The following RORB variants were observed in gnomAD, a reference collection of about 807,000 sequenced individuals.
The protein encoded by RORB is nuclear receptor ROR-beta.
RORB carries 6 observed loss-of-function variants against 59.1 expected under a neutral mutation model. That is an observed-to-expected ratio of 0.10 (90% CI 0.06 to 0.20). RORB has a LOEUF of 0.20. Among genes scored for constraint, RORB ranks in the 10% least tolerant of loss-of-function variants. The pLI is 1.00. For synonymous variants in RORB, 215 were observed against 204.5 expected (o/e 1.05, Z -0.44); for missense variants, 320 against 560.5 (o/e 0.57, Z 4.33).
At chr9:74,540,802 T>C (rs1413358463) in intron 1 of RORB, among the ~76,000 whole-genome samples, 2 of 152,202 alleles carry the variant, frequency 1.3e-5, no homozygotes, top group Non-Finnish European at 2.9e-5. Flanking sequence ...CTTGTAGGTA[T>C]GCAGGTAAAT....
chr9:74,500,064 G>A (rs1485331710), intron 1 of RORB, among the ~76,000 whole-genome samples: 1 of 152,146 alleles, frequency 6.6e-6, no homozygotes, highest in Non-Finnish European at 1.5e-5. Flanking sequence ...AAAGCCAGGC[G>A]CTGGTCCTCA....
intron 9 of RORB, among the ~76,000 whole-genome samples, chr9:74,673,350 A>T (rs1587417959): frequency 6.6e-6 from 1 of 152,134 alleles, no homozygotes; most frequent in South Asian, 2.1e-4. Flanking sequence ...TCCTAAAATT[A>T]GTCTTGAAAA....
chr9:74,633,175 T>C (rs910240171), intron 2 of RORB, among the ~76,000 whole-genome samples: 8 of 152,232 alleles, frequency 5.3e-5, no homozygotes, highest in Admixed American at 2.0e-4. Flanking sequence ...AACTATTGGG[T>C]ATTTTTGCAT....
In RORB at chr9:74,646,952, T is replaced by G. The variant is rs76266016; in HGVS notation, c.637+4137T>G. 5.3e-3 allele frequency among the ~76,000 whole-genome samples: 814 copies of G among 152,274 alleles called. 11 individuals are homozygous for G. The highest frequency in any genetic ancestry group is 0.018 in the African/African-American group (761 of 41,564). On this transcript the variant is annotated intron_variant, in intron 4 of 9. Coordinates refer to ENST00000376896, the MANE Select transcript of RORB (RefSeq NM_006914.4). ...AGCCACATCTCTTATCAGGAATGTT[T>G]TATTCCCCTAGTTTTGAGAATAGAA...
rs767390514 is a variant in RORB, at chr9:74,667,783, C to T, written c.1001-8C>T. The T allele has an allele frequency of 5.1e-6, 8 of 1,568,236 alleles. No individual in the cohort carries two copies. The East Asian group carries it at 6.7e-5, about 13-fold the overall frequency. ...TATTTTTATTCCATTTTTCTTCTTCCTTTATAGGTTCTGATGACCTAGTGA... is the reference window on the plus strand; with the variant it reads ...TATTTTTATTCCATTTTTCTTCTTCTTTTATAGGTTCTGATGACCTAGTGA... On this transcript the variant is annotated splice_region_variant and splice_polypyrimidine_tract_variant and intron_variant, in intron 7 of 9. Transcript: ENST00000376896.
At position 74,586,600 on chromosome 9, in the gene RORB, C is replaced by CGTGTGTGTGTGTGT. The variant is rs1313500289; in HGVS notation, c.8-43657_8-43644dup. Among the ~76,000 whole-genome samples, 1,146 of 141,270 alleles carry CGTGTGTGTGTGTGT rather than the reference C, an allele frequency of 8.1e-3. 18 individuals carry two copies. The highest frequency in any genetic ancestry group is 0.015 in the East Asian group (68 of 4,682). The allele number at this position is 141,270 out of a possible 152,430, so 92.7% of individuals were successfully genotyped here. A position where few individuals can be genotyped will look rare whatever the true frequency, so the allele number is the denominator to read the frequency against. ...TGCAAATGAGTACATATGTAATGTC[C>CGTGTGTGTGTGTGT]GTGTGTGTGTGTGTGTGTGTGTGTG... On this transcript the variant is annotated intron_variant, in intron 1 of 9. Transcript: ENST00000376896.
chr9:74,662,370 T>C, intron 5 of RORB, 104 bp from the exon 6 acceptor site: 1 of 1,073,320 alleles, frequency 9.3e-7, no homozygotes, highest in Non-Finnish European at 1.4e-6. Context: ...TTCCCTCCTT[T>C]GGCCCCAAGT....
At chr9:74,518,011 T>G (rs879178973) in intron 1 of RORB, among the ~76,000 whole-genome samples, 17 of 151,994 alleles carry the variant, frequency 1.1e-4, no homozygotes, top group African/African-American at 4.1e-4. Context: ...GTTACCCAGA[T>G]AGTATTTGAA....
intron 1 of RORB, among the ~76,000 whole-genome samples, chr9:74,581,050 T>G (rs1266259311): frequency 1.3e-5 from 2 of 152,076 alleles, no homozygotes; most frequent in Admixed American, 1.3e-4. Flanking sequence ...TATTCCTGAG[T>G]AGTCTCTGAA....
intron 6 of RORB, among the ~76,000 whole-genome samples, chr9:74,665,192 T>A (rs949856351): frequency 3.3e-5 from 5 of 152,210 alleles, no homozygotes; most frequent in African/African-American, 1.2e-4. Flanking sequence ...TAATTCCTCA[T>A]ATAAGTATCA....
At chr9:74,573,049 C>T (rs1822576818) in intron 1 of RORB, among the ~76,000 whole-genome samples, 1 of 152,126 alleles carries the variant, frequency 6.6e-6, no homozygotes, top group Admixed American at 6.6e-5. Flanking sequence ...TGCCCATTTT[C>T]CCAATCTACT....
At chr9:74,581,408 A>G (rs1216723251) in intron 1 of RORB, among the ~76,000 whole-genome samples, 2 of 152,196 alleles carry the variant, frequency 1.3e-5, no homozygotes, top group African/African-American at 4.8e-5. Context: ...GAGATCATTT[A>G]CTAAGGAAAC....
intron 1 of RORB, among the ~76,000 whole-genome samples, chr9:74,576,661 A>G (rs1241792771): frequency 6.6e-6 from 1 of 152,092 alleles, no homozygotes; most frequent in Admixed American, 6.6e-5. Context: ...ATTTTTAATC[A>G]GTGTATATTT....
chr9:74,606,797 T>C (rs1337736776), intron 1 of RORB, among the ~76,000 whole-genome samples: 1 of 152,204 alleles, frequency 6.6e-6, no homozygotes, highest in Non-Finnish European at 1.5e-5. Flanking sequence ...TGAGTATATG[T>C]TGTTGGTGCC....
intron 1 of RORB, among the ~76,000 whole-genome samples, chr9:74,592,417 G>A (rs545978220): frequency 7.2e-5 from 11 of 152,278 alleles, no homozygotes; most frequent in African/African-American, 1.2e-4. Flanking sequence ...TTGGAATATC[G>A]CCATGGCGTG....
At chr9:74,556,107 T>A (rs1377427523) in intron 1 of RORB, among the ~76,000 whole-genome samples, 1 of 152,218 alleles carries the variant, frequency 6.6e-6, no homozygotes, top group African/African-American at 2.4e-5. Context: ...ATTTTGATGC[T>A]GATATAACAT....
intron 1 of RORB, among the ~76,000 whole-genome samples, chr9:74,561,731 G>A (rs80071923): frequency 1.8e-3 from 280 of 152,202 alleles, no homozygotes; most frequent in African/African-American, 6.5e-3. Flanking sequence ...ATTAACATTG[G>A]TACAATACTA....
chr9:74,586,336 A>C (rs1822798974), intron 1 of RORB, among the ~76,000 whole-genome samples: 1 of 151,938 alleles, frequency 6.6e-6, no homozygotes, highest in Non-Finnish European at 1.5e-5. Context: ...TATCTCTACA[A>C]AATATACAAA....
intron 9 of RORB, 70 bp from the exon 10 acceptor site, chr9:74,685,393 C>A: frequency 7.8e-7 from 1 of 1,274,852 alleles, no homozygotes; most frequent in Non-Finnish European, 1.1e-6. Context: ...CCAGAAAGGA[C>A]ACTGGTTCCA....
Sources: allele counts gnomAD v4.1 joint callset (sites outside exome capture counted in the v4.1 genomes callset), GRCh38; gene constraint gnomAD v4.1.1; transcripts MANE v1.5; gene names NCBI Gene and HGNC (gene_info 2026-07-23, HGNC 2026-07-21).